Variants in NCAM2 observed in about 807,000 individuals in gnomAD.
The protein encoded by NCAM2 is neural cell adhesion molecule 2, also known as N-CAM-2.
NCAM2 carries 30 observed loss-of-function variants against 98.1 expected under a neutral mutation model. The observed-to-expected ratio is 0.31, with a 90% confidence interval of 0.23 to 0.41. The LOEUF (loss-of-function observed/expected upper bound fraction) is 0.41, where lower values mean the gene tolerates loss of function less well. Ranked by LOEUF, NCAM2 falls within the 10% of genes least tolerant of loss-of-function variation. The pLI is 1.00. For missense variants in NCAM2, 867 were observed against 1,005.8 expected (o/e 0.86, Z 1.87); for synonymous variants, 368 against 342.4 (o/e 1.07, Z -0.83).
chr21:21,042,155 T>A (rs1309440062), intron 1 of NCAM2, among the ~76,000 whole-genome samples: 1 of 152,134 alleles, frequency 6.6e-6, no homozygotes, highest in African/African-American at 2.4e-5. Flanking sequence ...GACTGCTCTG[T>A]GGAATAAATA....
At chr21:21,533,037 A>G (rs983990006) in intron 16 of NCAM2, among the ~76,000 whole-genome samples, 2 of 152,068 alleles carry the variant, frequency 1.3e-5, no homozygotes, top group African/African-American at 2.4e-5. Flanking sequence ...ATACTCAGAT[A>G]AGAGGAATGA....
intron 1 of NCAM2, among the ~76,000 whole-genome samples, chr21:21,199,077 A>G (rs1245339136): frequency 1.3e-5 from 2 of 152,172 alleles, no homozygotes; most frequent in African/African-American, 4.8e-5. Context: ...CCCAGTTTGT[A>G]TGCATTGTGT....
chr21:21,403,917 A>T (rs995083390), intron 9 of NCAM2, among the ~76,000 whole-genome samples: 2 of 151,978 alleles, frequency 1.3e-5, no homozygotes, highest in African/African-American at 4.8e-5. Context: ...TGTCATTAAA[A>T]TATGAGTTCA....
intron 15 of NCAM2, among the ~76,000 whole-genome samples, chr21:21,486,286 A>G (rs1602480046): frequency 7.5e-6 from 1 of 133,418 alleles, no homozygotes; most frequent in Non-Finnish European, 1.6e-5. Context: ...CCTGGGCAAC[A>G]GAGCGAGACT....
intron 1 of NCAM2, among the ~76,000 whole-genome samples, chr21:21,173,984 C>T (rs142531811): frequency 5.3e-5 from 8 of 152,202 alleles, no homozygotes; most frequent in Middle Eastern, 3.4e-3. Flanking sequence ...AGTGCAGTGG[C>T]GCAATCTCAG....
At chr21:21,255,279 G>A (rs1219991450) in intron 1 of NCAM2, among the ~76,000 whole-genome samples, 1 of 152,134 alleles carries the variant, frequency 6.6e-6, no homozygotes, top group Non-Finnish European at 1.5e-5. Context: ...ATCCCTGTGA[G>A]CTGTGCTCTA....
chr21:21,116,890 T>C (rs1365340350), intron 1 of NCAM2, among the ~76,000 whole-genome samples: 3 of 151,886 alleles, frequency 2.0e-5, no homozygotes, highest in Non-Finnish European at 2.9e-5. Flanking sequence ...ATACTCACCA[T>C]TGGACTTTAC....
At chr21:21,068,668 C>G (rs1240512508) in intron 1 of NCAM2, among the ~76,000 whole-genome samples, 1 of 152,076 alleles carries the variant, frequency 6.6e-6, no homozygotes, top group Non-Finnish European at 1.5e-5. Flanking sequence ...CCATGTTGGT[C>G]AGGCTGGTCT....
intron 11 of NCAM2, among the ~76,000 whole-genome samples, chr21:21,419,522 C>G (rs1284639145): frequency 1.7e-5 from 2 of 119,544 alleles, no homozygotes; most frequent in African/African-American, 6.4e-5. Context: ...CCCCCCACCC[C>G]ACAATAGTCC....
chr21:21,089,594 A>C (rs2065971552), intron 1 of NCAM2, among the ~76,000 whole-genome samples: 1 of 152,152 alleles, frequency 6.6e-6, no homozygotes, highest in Non-Finnish European at 1.5e-5. Context: ...CTGGGATTTG[A>C]GCCTGTGTGT....
intron 1 of NCAM2, among the ~76,000 whole-genome samples, chr21:21,026,881 G>C (rs1293480935): frequency 7.9e-6 from 1 of 125,964 alleles, no homozygotes; most frequent in Admixed American, 9.1e-5. Flanking sequence ...TTTTGAGACA[G>C]CATCTCATTC....
chr21:21,248,776 CAAAAAAAAAAAAAAAAAAAAAAAAAAAA>C (rs1171857115), intron 1 of NCAM2, among the ~76,000 whole-genome samples: 5 of 50,680 alleles, frequency 9.9e-5, no homozygotes, highest in Admixed American at 7.9e-4. Flanking sequence ...GACTCTGTCT[CAAAAAAAAAAAAAAAAAAAAAAAAAAAA>C]AAAAAAAAAA....
At chr21:21,116,472 G>T (rs573629371) in intron 1 of NCAM2, among the ~76,000 whole-genome samples, 1 of 152,238 alleles carries the variant, frequency 6.6e-6, no homozygotes, top group East Asian at 1.9e-4. Context: ...ACCTTGATAG[G>T]ACGGCCTGTT....
intron 5 of NCAM2, among the ~76,000 whole-genome samples, chr21:21,297,628 C>G (rs60359288): frequency 6.6e-6 from 1 of 151,564 alleles, no homozygotes; most frequent in Non-Finnish European, 1.5e-5. Context: ...ATCATGGATA[C>G]GCTTTTCTAA....
chr21:21,039,395 A>G (rs749069413), intron 1 of NCAM2, among the ~76,000 whole-genome samples: 6 of 152,182 alleles, frequency 3.9e-5, no homozygotes, highest in Non-Finnish European at 7.3e-5. Flanking sequence ...TTGGGTGACT[A>G]ATATTAACAT....
At chr21:21,327,165 AT>A (rs1312498978) in intron 6 of NCAM2, among the ~76,000 whole-genome samples, 2 of 152,062 alleles carry the variant, frequency 1.3e-5, no homozygotes, top group Non-Finnish European at 2.9e-5. Flanking sequence ...GTGAAATCCC[AT>A]GCATGGTGGT....
chr21:21,368,258 A>G (rs2075833968), intron 8 of NCAM2, among the ~76,000 whole-genome samples: 1 of 151,912 alleles, frequency 6.6e-6, no homozygotes, highest in African/African-American at 2.4e-5. Flanking sequence ...CTGTGACAGA[A>G]TGCAAGAAAT....
chr21:21,026,479 G>C (rs2064547330), intron 1 of NCAM2, among the ~76,000 whole-genome samples: 1 of 151,984 alleles, frequency 6.6e-6, no homozygotes, highest in Non-Finnish European at 1.5e-5. Context: ...ATAAAAATTA[G>C]CTGGGCGTGG....
At chr21:21,154,253 A>C (rs1333062609) in intron 1 of NCAM2, among the ~76,000 whole-genome samples, 1 of 151,928 alleles carries the variant, frequency 6.6e-6, no homozygotes, top group Non-Finnish European at 1.5e-5. Context: ...TGAGGAAAGA[A>C]ACATTGTTAT....
Sources: gnomAD v4.1 joint callset for allele counts (sites outside exome capture counted in the v4.1 genomes callset) on GRCh38, gnomAD v4.1.1 for gene constraint, MANE v1.5 for transcripts, NCBI Gene and HGNC (gene_info 2026-07-23, HGNC 2026-07-21) for gene names.